The following ITPK1 variants were observed in gnomAD, a reference collection of about 807,000 sequenced individuals.
ITPK1 encodes inositol-tetrakisphosphate 1-kinase, also known as inositol 1,3,4-trisphosphate 5/6-kinase.
Under a neutral mutation model 45.3 loss-of-function variants are expected in ITPK1, and 21 were observed. The observed-to-expected ratio is 0.46, with a 90% CI of 0.33 to 0.67. The LOEUF is 0.67. ITPK1 is among the 30% of genes least tolerant of loss of function. ITPK1 has a pLI of 0.02. For synonymous variants in ITPK1, 258 were observed against 253.6 expected (o/e 1.02, Z -0.16); for missense variants, 474 against 573.5 (o/e 0.83, Z 1.77).
intron 5 of ITPK1, among the ~76,000 whole-genome samples, chr14:92,977,443 T>C (rs1229705961): frequency 6.6e-6 from 1 of 152,178 alleles, no homozygotes; most frequent in Non-Finnish European, 1.5e-5. Context: ...CTACCTACCA[T>C]GACAGAACTC....
chr14:93,029,770 C>G (rs1354403308), intron 3 of ITPK1, among the ~76,000 whole-genome samples: 1 of 152,228 alleles, frequency 6.6e-6, no homozygotes, highest in African/African-American at 2.4e-5. Context: ...GCCCCTTCCT[C>G]TACAGCCAAG....
chr14:93,033,724 C>A (rs1256770554), intron 3 of ITPK1, among the ~76,000 whole-genome samples: 5 of 152,278 alleles, frequency 3.3e-5, no homozygotes, highest in African/African-American at 1.2e-4. Flanking sequence ...CACACACCCA[C>A]TGGTCCCCAG....
chr14:92,986,778 T>A (rs1886505174), intron 5 of ITPK1, among the ~76,000 whole-genome samples: 1 of 152,160 alleles, frequency 6.6e-6, no homozygotes, highest in Non-Finnish European at 1.5e-5. Context: ...GACAGGAACA[T>A]TCTTCCCTAG....
In ITPK1 at chr14:92,940,034, C is replaced by T. The variant is rs2139685606; in HGVS notation, c.*1527G>A. 1.0e-6 allele frequency: 1 copy of T among 985,748 alleles called. No individual in the cohort carries two copies. Among genetic ancestry groups the T allele is most frequent in the Non-Finnish European group, 1.2e-6 (1 of 829,926 alleles). The allele number at this position is 985,748 out of a possible 1,614,324, so 61.1% of individuals were successfully genotyped here. On this transcript the variant is annotated 3_prime_UTR_variant, in exon 11 of 11. Transcript: ENST00000267615. ...GGTTAGTTGTTGGGTCCTCAGTTTC[C>T]AAAAAAGCCGGGCAGTTCTGATGGC...
chr14:93,020,826 C>T (rs906567793), intron 3 of ITPK1, among the ~76,000 whole-genome samples: 11 of 152,144 alleles, frequency 7.2e-5, no homozygotes, highest in Admixed American at 3.3e-4. Flanking sequence ...AGAAGCCTCG[C>T]GATCCCAGCA....
In ITPK1 at chr14:93,073,042, G is replaced by A. The variant is rs376811211; in HGVS notation, c.120+3553C>T. Among the ~76,000 whole-genome samples, 124 of 152,296 alleles carry A rather than the reference G, an allele frequency of 8.1e-4. No homozygotes were observed. In the South Asian group the frequency reaches 0.014, roughly 17 times the overall value. On this transcript the variant is annotated intron_variant, in intron 3 of 10. Coordinates refer to ENST00000267615, the MANE Select transcript of ITPK1 (RefSeq NM_014216.6). ...TTTTATGCCCTGAGGTCTCACACTC[G>A]GTCAGGTCTGCCTGTGGATAGTGTA...
intron 3 of ITPK1, among the ~76,000 whole-genome samples, chr14:93,051,402 A>C (rs760503890): frequency 6.6e-5 from 10 of 151,936 alleles, no homozygotes; most frequent in Non-Finnish European, 1.0e-4. Context: ...GATCGCTTGA[A>C]CTCAGGAGTT....
At chr14:93,019,577 G>A (rs75932329) in intron 3 of ITPK1, among the ~76,000 whole-genome samples, 14,848 of 152,274 alleles carry the variant, frequency 0.098, 742 homozygotes, top group East Asian at 0.19. Context: ...TCGCTGTGGC[G>A]TCTGTGCTGG....
chr14:92,961,955 G>A (rs981548575), intron 7 of ITPK1, among the ~76,000 whole-genome samples: 5 of 152,254 alleles, frequency 3.3e-5, no homozygotes, highest in Admixed American at 2.0e-4. Context: ...TAGGAAGAGA[G>A]CCCTCACCAG....
rs961279003 is a variant in ITPK1, at chr14:93,034,772, C to T, written c.121-17971G>A. Among the ~76,000 whole-genome samples the T allele has an allele frequency of 1.3e-5, 2 of 152,248 alleles. No individual in the cohort carries two copies. The highest frequency in any genetic ancestry group is 2.9e-5 in the Non-Finnish European group (2 of 68,028). On this transcript the variant is annotated intron_variant, in intron 3 of 10. Coordinates refer to ENST00000267615, the MANE Select transcript of ITPK1 (RefSeq NM_014216.6). This position sits in a 1 kb window ranked among gnomAD's most constrained non-coding sequence, Gnocchi z 4.1. ...TTAGCAGCGGAGAAGGCTGGCATGG[C>T]CCCAGCACACACGGGCAGTGGGCAG...
At chr14:93,005,005 G>A (rs1887542966) in intron 4 of ITPK1, among the ~76,000 whole-genome samples, 1 of 152,180 alleles carries the variant, frequency 6.6e-6, no homozygotes, top group African/African-American at 2.4e-5. Context: ...GGACAAGGTA[G>A]AGAGCAGGAG....
At chr14:93,010,752 C>T (rs1887849180) in intron 4 of ITPK1, among the ~76,000 whole-genome samples, 1 of 152,250 alleles carries the variant, frequency 6.6e-6, no homozygotes, top group Non-Finnish European at 1.5e-5. Context: ...GCCACGGTGA[C>T]TGATGGTTCA....
rs1468646887 is a variant in ITPK1 at position 92,997,820 on chromosome 14, C to G, written c.247-3823G>C. 2.4e-4 allele frequency among the ~76,000 whole-genome samples: 37 copies of G among 152,198 alleles called. 1 individual carries two copies. Among genetic ancestry groups the G allele is most frequent in the Admixed American group, 2.4e-3 (37 of 15,282 alleles). On this transcript the variant is annotated intron_variant, in intron 4 of 10. Transcript: ENST00000267615. The stretch of plus-strand genomic sequence containing the variant: ...CTGCCAGGATGAGGGCTGGAACACA[C>G]CTGGGGCAGAGCGTCACGGTGCCCA...
At chr14:92,945,277 C>T (rs1027936748) in intron 10 of ITPK1, among the ~76,000 whole-genome samples, 1 of 152,254 alleles carries the variant, frequency 6.6e-6, no homozygotes, top group African/African-American at 2.4e-5. Flanking sequence ...GGCTTCCTTG[C>T]TGTGGCCGGT....
chr14:92,961,689 G>A (rs182958372), intron 7 of ITPK1, among the ~76,000 whole-genome samples: 17 of 152,316 alleles, frequency 1.1e-4, no homozygotes, highest in African/African-American at 3.4e-4. Flanking sequence ...AGGGCGGGCC[G>A]GACTGAGGCA....
intron 9 of ITPK1, among the ~76,000 whole-genome samples, 180 bp downstream of exon 9, chr14:92,951,766 C>T (rs142457689): frequency 3.9e-5 from 6 of 152,152 alleles, no homozygotes; most frequent in East Asian, 1.9e-4. Flanking sequence ...CATGAAAACT[C>T]GAAGCAAGCA....
chr14:93,062,457 T>G (rs56159253), intron 3 of ITPK1, among the ~76,000 whole-genome samples: 34,116 of 151,968 alleles, frequency 0.22, 4,607 homozygotes, highest in Admixed American at 0.34. Context: ...AAAAAAAAAG[T>G]TTTTTTAATG....
At chr14:93,112,005 G>A (rs1001687187) in intron 2 of ITPK1, among the ~76,000 whole-genome samples, 1 of 152,066 alleles carries the variant, frequency 6.6e-6, no homozygotes, top group Non-Finnish European at 1.5e-5. Context: ...CCATGAAGTG[G>A]CTCTAACCAC....
At chr14:92,978,288 A>G (rs1886048559) in intron 5 of ITPK1, among the ~76,000 whole-genome samples, 1 of 151,994 alleles carries the variant, frequency 6.6e-6, no homozygotes, top group Non-Finnish European at 1.5e-5. Context: ...CTAAAAGCCT[A>G]TGCTCATCTG....
Sources: gnomAD v4.1 joint callset for allele counts (sites outside exome capture counted in the v4.1 genomes callset) on GRCh38, gnomAD v4.1.1 for gene constraint, Gnocchi (gnomAD v3.1) non-coding constraint, MANE v1.5 for transcripts, NCBI Gene and HGNC (gene_info 2026-07-23, HGNC 2026-07-21) for gene names.